NCKAP5: variants seen among roughly 807,000 people sequenced by gnomAD.
NCKAP5 encodes nck-associated protein 5.
NCKAP5 carries 92 observed loss-of-function variants against 167.0 expected under a neutral mutation model. That is an observed-to-expected ratio of 0.55 (90% CI 0.47 to 0.66). The LOEUF is 0.66. Ranked by LOEUF, NCKAP5 falls within the 30% of genes least tolerant of loss-of-function variation. The pLI, the probability that NCKAP5 is intolerant of heterozygous loss-of-function variation, is 0.00. For synonymous variants in NCKAP5, 891 were observed against 877.4 expected, an observed-to-expected ratio of 1.02 and a Z score of -0.27; for missense variants, 2,378 against 2,315.0, an observed-to-expected ratio of 1.03 and a Z score of -0.56.
intron 11 of NCKAP5, among the ~76,000 whole-genome samples, chr2:132,814,142 A>G (rs889112934): frequency 1.3e-5 from 2 of 152,220 alleles, no homozygotes; most frequent in African/African-American, 4.8e-5. Context: ...TTCCCTTGAT[A>G]GTTAATACTA....
intron 1 of NCKAP5, among the ~76,000 whole-genome samples, chr2:133,562,010 T>C (rs977601068): frequency 3.9e-5 from 6 of 152,138 alleles, no homozygotes; most frequent in Admixed American, 3.9e-4. Context: ...AAAACTGCGA[T>C]ATAATTATAT....
chr2:133,263,978 A>G (rs2089050213), intron 4 of NCKAP5, among the ~76,000 whole-genome samples: 1 of 152,210 alleles, frequency 6.6e-6, no homozygotes, highest in Non-Finnish European at 1.5e-5. Flanking sequence ...CTAGTCTCCC[A>G]GCAACTTTGT....
intron 11 of NCKAP5, among the ~76,000 whole-genome samples, chr2:132,832,066 T>C (rs1369572300): frequency 2.6e-5 from 4 of 152,176 alleles, no homozygotes; most frequent in Non-Finnish European, 5.9e-5. Context: ...TGTAGCTTTA[T>C]AATTTGTTTT....
At chr2:133,615,568 T>C in the NCKAP5 span, among the ~76,000 whole-genome samples, 8 of 152,194 alleles carry the variant, frequency 5.3e-5, no homozygotes, top group South Asian at 2.1e-4. Context: ...CATTACATAA[T>C]GGTAAACAGA....
intron 2 of NCKAP5, among the ~76,000 whole-genome samples, chr2:133,532,898 G>A (rs1368332772): frequency 2.0e-5 from 3 of 152,108 alleles, no homozygotes; most frequent in African/African-American, 7.2e-5. Context: ...CACCTTCATT[G>A]AGAATGTTTC....
intron 8 of NCKAP5, among the ~76,000 whole-genome samples, chr2:132,942,198 A>G (rs188032995): frequency 6.6e-6 from 1 of 152,316 alleles, no homozygotes; most frequent in African/African-American, 2.4e-5. Context: ...CTGGATTTAG[A>G]CTTTTCAATA....
intron 19 of NCKAP5, among the ~76,000 whole-genome samples, chr2:132,721,768 C>T (rs766764903): frequency 2.0e-5 from 3 of 152,236 alleles, no homozygotes; most frequent in African/African-American, 4.8e-5. Flanking sequence ...AGCATTGCCA[C>T]AGCTGGGGCT....
intron 2 of NCKAP5, among the ~76,000 whole-genome samples, chr2:133,543,009 T>G (rs1686355929): frequency 6.6e-6 from 1 of 152,200 alleles, no homozygotes. Flanking sequence ...AAGTATGATA[T>G]GGTTTAAATG....
At chr2:132,903,471 T>G (rs554465346) in intron 8 of NCKAP5, among the ~76,000 whole-genome samples, 1 of 152,352 alleles carries the variant, frequency 6.6e-6, no homozygotes, top group East Asian at 1.9e-4. Context: ...CCGTGTCTGA[T>G]AGTCACTGAA....
At chr2:132,819,188 T>C (rs529570596) in intron 11 of NCKAP5, among the ~76,000 whole-genome samples, 1 of 152,338 alleles carries the variant, frequency 6.6e-6, no homozygotes, top group Non-Finnish European at 1.5e-5. Flanking sequence ...GCCCTTCTGT[T>C]GTGGCTCTGA....
At chr2:133,504,478 A>G (rs544935284) in intron 3 of NCKAP5, among the ~76,000 whole-genome samples, 1 of 151,804 alleles carries the variant, frequency 6.6e-6, no homozygotes, top group Non-Finnish European at 1.5e-5. Context: ...GCTGAGGATT[A>G]GGCCCAAATT....
At chr2:133,562,878 G>GTAA (rs1688267889) in intron 1 of NCKAP5, among the ~76,000 whole-genome samples, 1 of 152,204 alleles carries the variant, frequency 6.6e-6, no homozygotes, top group Non-Finnish European at 1.5e-5. Context: ...TTGTAAATGT[G>GTAA]TGGGTAATGT....
At chr2:133,604,835 T>C in the NCKAP5 span, among the ~76,000 whole-genome samples, 1 of 152,180 alleles carries the variant, frequency 6.6e-6, no homozygotes. Flanking sequence ...TGTATTTCCC[T>C]GTCATCCTTC....
chr2:133,509,783 G>A (rs999491648), intron 3 of NCKAP5, among the ~76,000 whole-genome samples: 2 of 152,118 alleles, frequency 1.3e-5, no homozygotes, highest in Non-Finnish European at 2.9e-5. Flanking sequence ...ACAGGACAGC[G>A]CCCATGACAA....
chr2:133,237,426 C>T (rs1192402473), intron 4 of NCKAP5, among the ~76,000 whole-genome samples: 2 of 152,114 alleles, frequency 1.3e-5, no homozygotes, highest in East Asian at 1.9e-4. Flanking sequence ...AGTTTTAGAA[C>T]ATTGCATTAA....
chr2:133,470,193 T>C lies in NCKAP5; in HGVS notation c.69+47265A>G, dbSNP rs1209178302. On this transcript the variant is annotated intron_variant, in intron 3 of 19. Transcript: ENST00000409261. The stretch of plus-strand genomic sequence containing the variant: ...GTGATGTACAGATGGGTTTTCGATG[T>C]GGATGTCCTTTCTGTTTGTTAGTTT... Among the ~76,000 whole-genome samples, 19 of 152,322 alleles carry C rather than the reference T, an allele frequency of 1.2e-4. No individual in the cohort carries two copies. In the East Asian group the frequency reaches 3.1e-3, roughly 25 times the overall value.
intron 13 of NCKAP5, among the ~76,000 whole-genome samples, chr2:132,789,652 A>C (rs1313558006): frequency 6.6e-6 from 1 of 152,244 alleles, no homozygotes; most frequent in Non-Finnish European, 1.5e-5. Flanking sequence ...ATCAGTGTAC[A>C]AAGACGTCTG....
chr2:132,844,249 G>C (rs1049423020), intron 11 of NCKAP5, among the ~76,000 whole-genome samples: 3 of 151,930 alleles, frequency 2.0e-5, no homozygotes. Context: ...TCCTACCCTT[G>C]ATATTATCTT....
At chr2:133,593,584 T>C in the NCKAP5 span, among the ~76,000 whole-genome samples, 2 of 152,232 alleles carry the variant, frequency 1.3e-5, no homozygotes, top group Admixed American at 6.5e-5. Flanking sequence ...GAAAACCACT[T>C]GACAGACTAA....
Sources: gnomAD v4.1 joint callset for allele counts (sites outside exome capture counted in the v4.1 genomes callset) on GRCh38, gnomAD v4.1.1 for gene constraint, MANE v1.5 for transcripts, NCBI Gene and HGNC (gene_info 2026-07-23, HGNC 2026-07-21) for gene names.